The following ZC3H12D variants were observed in gnomAD, a reference collection of about 807,000 sequenced individuals.
ZC3H12D encodes the protein probable ribonuclease ZC3H12D.
A neutral mutation model predicts 24.2 loss-of-function variants in ZC3H12D; 11 were observed. The observed-to-expected ratio is 0.46, with a 90% CI of 0.29 to 0.75. The LOEUF (loss-of-function observed/expected upper bound fraction) is 0.75, where lower values mean the gene tolerates loss of function less well. Ranked by LOEUF, ZC3H12D falls within the 30% of genes least tolerant of loss-of-function variation. The pLI is 0.11. For missense variants in ZC3H12D, 740 were observed against 767.7 expected (o/e 0.96, Z 0.43); for synonymous variants, 333 against 341.8 (o/e 0.97, Z 0.28).
At chr6:149,477,573 TCTC>T (rs1359791873) in intron 1 of ZC3H12D, among the ~76,000 whole-genome samples, 1 of 152,192 alleles carries the variant, frequency 6.6e-6, no homozygotes, top group African/African-American at 2.4e-5. Flanking sequence ...GCCTGATTCT[TCTC>T]CTCAATTGGT....
intron 2 of ZC3H12D, among the ~76,000 whole-genome samples, chr6:149,465,808 C>T (rs1002590057): frequency 2.0e-5 from 3 of 151,530 alleles, no homozygotes; most frequent in Admixed American, 6.6e-5. Flanking sequence ...CTTTCCAGCC[C>T]AGCAGAAGCT....
intron 4 of ZC3H12D, among the ~76,000 whole-genome samples, chr6:149,455,751 T>A (rs916316425): frequency 3.9e-5 from 6 of 152,132 alleles, no homozygotes; most frequent in African/African-American, 1.4e-4. Flanking sequence ...AAGAAAAGAT[T>A]CTGGGCTGGG....
In ZC3H12D at chr6:149,447,677, T is replaced by C. The variant is rs1302932589; in HGVS notation, c.*3006A>G. On this transcript the variant is annotated 3_prime_UTR_variant, in exon 6 of 6. Transcript: ENST00000409806. ...GAAGCATGGTTAACAGCTATGCAACTAGGAACATTTCATTTACCTGTCCCA... is the reference window on the plus strand; with the variant it reads ...GAAGCATGGTTAACAGCTATGCAACCAGGAACATTTCATTTACCTGTCCCA... 1 of 152,246 alleles carries C rather than the reference T, an allele frequency of 6.6e-6. No homozygotes were observed. The highest frequency in any genetic ancestry group is 6.5e-5 in the Admixed American group (1 of 15,280). 9.4% of individuals were successfully genotyped at this position (152,246 alleles called of 1,614,324 possible).
At chr6:149,463,985 G>A (rs1395681820) in intron 2 of ZC3H12D, among the ~76,000 whole-genome samples, 1 of 152,172 alleles carries the variant, frequency 6.6e-6, no homozygotes, top group Non-Finnish European at 1.5e-5. Flanking sequence ...CCACTTAGAG[G>A]AAATGTTAAG....
intron 1 of ZC3H12D, among the ~76,000 whole-genome samples, chr6:149,481,915 G>T (rs1049919522): frequency 6.6e-6 from 1 of 152,242 alleles, no homozygotes; most frequent in African/African-American, 2.4e-5. Context: ...ACCAAGGAAC[G>T]GCTCTGAGGA....
intron 2 of ZC3H12D, among the ~76,000 whole-genome samples, chr6:149,465,000 GCTCT>G (rs1776129201): frequency 6.6e-6 from 1 of 152,180 alleles, no homozygotes; most frequent in Non-Finnish European, 1.5e-5. Flanking sequence ...ACACTGCTGT[GCTCT>G]CTCTCGTATG....
Position 149,474,526 on chromosome 6 carries a change from C to G in ZC3H12D, c.18G>C (p.Lys6Asn). 6 of 1,533,402 alleles carry G rather than the reference C, an allele frequency of 3.9e-6. No individual in the cohort carries two copies. Among genetic ancestry groups the G allele is most frequent in the Non-Finnish European group, 5.3e-6 (6 of 1,132,496 alleles). The allele number at this position is 1,533,402 out of a possible 1,614,324, so 95.0% of individuals were successfully genotyped here. The change falls in exon 2 of 6, where the codon AAG becomes AAC. Residue 6 changes from lysine to asparagine, a missense_variant. Coordinates refer to ENST00000409806, the MANE Select transcript of ZC3H12D (RefSeq NM_207360.3). MEHPS[K>N]MEFFQKLGYD... ...AGCCCAGCTTCTGGAAGAATTCCAT[C>G]TTGCTGGGGTGCTCCATGCTGTGCC...
chr6:149,467,645 G>A (rs894381660), intron 2 of ZC3H12D, among the ~76,000 whole-genome samples: 1 of 152,116 alleles, frequency 6.6e-6, no homozygotes, highest in African/African-American at 2.4e-5. Context: ...AAGCCCTTGA[G>A]GAAGTGACCT....
chr6:149,457,978 C>G (rs1486718899), intron 3 of ZC3H12D, among the ~76,000 whole-genome samples: 2 of 152,074 alleles, frequency 1.3e-5, no homozygotes, highest in African/African-American at 4.8e-5. Context: ...CCCTCTGCCC[C>G]CTCAGTCTGC....
intron 2 of ZC3H12D, among the ~76,000 whole-genome samples, chr6:149,465,268 C>T (rs920772490): frequency 1.3e-5 from 2 of 151,252 alleles, no homozygotes; most frequent in Non-Finnish European, 1.5e-5. Context: ...GCTGGAGAAT[C>T]GCGTGAGCCT....
chr6:149,468,976 A>T (rs1776202983), intron 2 of ZC3H12D, among the ~76,000 whole-genome samples: 1 of 152,202 alleles, frequency 6.6e-6, no homozygotes, highest in Non-Finnish European at 1.5e-5. Context: ...CAGCCAAAGC[A>T]AAAAGCCCTG....
intron 1 of ZC3H12D, among the ~76,000 whole-genome samples, chr6:149,482,211 C>G (rs988644400): frequency 3.3e-5 from 5 of 152,226 alleles, no homozygotes; most frequent in African/African-American, 9.6e-5. Flanking sequence ...AACTTGGTTC[C>G]TTTTTAAAAC....
chr6:149,481,399 G>C (rs1394768822), intron 1 of ZC3H12D, among the ~76,000 whole-genome samples: 1 of 150,222 alleles, frequency 6.7e-6, no homozygotes, highest in Non-Finnish European at 1.5e-5. Context: ...TTTAGAGGGA[G>C]AGTTTTGCTC....
intron 2 of ZC3H12D, among the ~76,000 whole-genome samples, chr6:149,467,238 C>T (rs759317007): frequency 9.2e-5 from 14 of 152,074 alleles, no homozygotes; most frequent in Middle Eastern, 3.4e-3. Flanking sequence ...AGACATCACC[C>T]CTGCTTCTTG....
chr6:149,474,339 A>G lies in ZC3H12D; in HGVS notation c.205T>C (p.Ser69Pro). Reference sequence around the variant, plus strand: ...GCTGTCCCCGGGCCACGCTGGGCAGAGTCCGGGACCCCACAGGAGCCCCGA... The same window carrying G: ...GCTGTCCCCGGGCCACGCTGGGCAGGGTCCGGGACCCCACAGGAGCCCCGA... The part of the protein sequence containing the change: ...VPRGSCGVPD[S>P]AQRGPGTALE... The change falls in exon 2 of 6, where the codon TCT (serine) becomes CCT (proline). Residue 69 changes from serine to proline, a missense_variant. Physicochemically the swap from Ser to Pro is moderately conservative, Grantham distance 74. Transcript: ENST00000409806. 6.2e-7 allele frequency: 1 copy of G among 1,601,912 alleles called. No homozygotes were observed. Among genetic ancestry groups the G allele is most frequent in the Non-Finnish European group, 8.5e-7 (1 of 1,171,446 alleles).
intron 2 of ZC3H12D, among the ~76,000 whole-genome samples, chr6:149,471,499 G>T (rs945921077): frequency 4.6e-5 from 7 of 152,204 alleles, no homozygotes; most frequent in African/African-American, 1.4e-4. Context: ...ACAAAGCATA[G>T]AATTATCTGT....
In ZC3H12D at chr6:149,474,497, T is replaced by A; in HGVS notation, c.47A>T (p.Asp16Val). ...CAACACCCGGAGCACATCCTCCCGGTCATAGCCCAGCTTCTGGAAGAATTC... is the reference window on the plus strand; with the variant it reads ...CAACACCCGGAGCACATCCTCCCGGACATAGCCCAGCTTCTGGAAGAATTC... The part of the protein sequence containing the change: ...KMEFFQKLGY[D>V]REDVLRVLGK... The change falls in exon 2 of 6, where the codon GAC (aspartate) becomes GTC (valine). Residue 16 changes from aspartate to valine, a missense_variant. Physicochemically the swap from Asp to Val is radical, Grantham distance 152. Transcript: ENST00000409806. 2.6e-6 allele frequency: 4 copies of A among 1,557,462 alleles called. No homozygotes were observed. Among genetic ancestry groups the A allele is most frequent in the Non-Finnish European group, 3.5e-6 (4 of 1,144,586 alleles).
At position 149,456,345 on chromosome 6, in the gene ZC3H12D, A is replaced by G. The variant is rs960585416; in HGVS notation, c.680+321T>C. On this transcript the variant is annotated intron_variant, in intron 4 of 5. Coordinates refer to ENST00000409806, the MANE Select transcript of ZC3H12D (RefSeq NM_207360.3). The surrounding 1 kb of genome is among the most constrained non-coding windows in gnomAD (Gnocchi z 4.3). The stretch of plus-strand genomic sequence containing the variant: ...CAAAGTACAGATCTTTTCCATGATG[A>G]CTATTTCAATATTCTGAAGTATGCA... 3.3e-5 allele frequency among the ~76,000 whole-genome samples: 5 copies of G among 152,212 alleles called. No homozygotes were observed. Among genetic ancestry groups the G allele is most frequent in the African/African-American group, 1.2e-4 (5 of 41,456 alleles).
At position 149,474,547 on chromosome 6, in the gene ZC3H12D, G is replaced by A; in HGVS notation, c.-4C>T. 1.3e-6 allele frequency: 2 copies of A among 1,492,332 alleles called. No individual in the cohort carries two copies. The highest frequency in any genetic ancestry group is 1.8e-6 in the Non-Finnish European group (2 of 1,112,220). The allele number at this position is 1,492,332 out of a possible 1,614,324, so 92.4% of individuals were successfully genotyped here. The stretch of plus-strand genomic sequence containing the variant: ...CCATCTTGCTGGGGTGCTCCATGCT[G>A]TGCCCAGCGGCCACTGGCGCAGGTC... On this transcript the variant is annotated 5_prime_UTR_variant, in exon 2 of 6. Coordinates refer to ENST00000409806, the MANE Select transcript of ZC3H12D (RefSeq NM_207360.3).
Sources: gnomAD v4.1 joint callset for allele counts (sites outside exome capture counted in the v4.1 genomes callset) on GRCh38, gnomAD v4.1.1 for gene constraint, Gnocchi (gnomAD v3.1) non-coding constraint, MANE v1.5 for transcripts, NCBI Gene and HGNC (gene_info 2026-07-23, HGNC 2026-07-21) for gene names.